NUBPL: variants seen among roughly 807,000 people sequenced by gnomAD.
The protein encoded by NUBPL is iron-sulfur cluster transfer protein NUBPL.
Under a neutral mutation model 45.7 loss-of-function variants are expected in NUBPL, and 31 were observed. That is an observed-to-expected ratio of 0.68 (90% CI 0.51 to 0.92). The LOEUF (loss-of-function observed/expected upper bound fraction) is 0.92, where lower values mean the gene tolerates loss of function less well. NUBPL is among the 40% of genes least tolerant of loss of function. The pLI, the probability that NUBPL is intolerant of heterozygous loss-of-function variation, is 0.00. For synonymous variants in NUBPL, 144 were observed against 140.9 expected (o/e 1.02, Z -0.15); for missense variants, 401 against 398.7 (o/e 1.01, Z -0.05).
At chr14:31,651,634 C>T (rs543034949) in intron 4 of NUBPL, among the ~76,000 whole-genome samples, 9 of 152,258 alleles carry the variant, frequency 5.9e-5, no homozygotes, top group Non-Finnish European at 8.8e-5. Flanking sequence ...CGTGGTGGCT[C>T]ACGCCTGTAA....
chr14:31,844,556 A>G (rs917318018), intron 8 of NUBPL: 12 of 152,316 alleles, frequency 7.9e-5, no homozygotes, highest in African/African-American at 2.9e-4. Context: ...ATGCTTTGCT[A>G]TAGATTTATG....
At chr14:31,757,538 G>A (rs980867070) in intron 6 of NUBPL, among the ~76,000 whole-genome samples, 3 of 151,940 alleles carry the variant, frequency 2.0e-5, no homozygotes, top group African/African-American at 4.8e-5. Flanking sequence ...CTGTGGGATC[G>A]GTCTCTTTTC....
At chr14:31,806,780 C>T (rs1243803785) in intron 7 of NUBPL, among the ~76,000 whole-genome samples, 11 of 150,722 alleles carry the variant, frequency 7.3e-5, no homozygotes, top group Non-Finnish European at 1.3e-4. Flanking sequence ...CATCCCCCCA[C>T]ACCACGACAG....
intron 4 of NUBPL, among the ~76,000 whole-genome samples, chr14:31,623,018 G>A (rs2035107728): frequency 6.6e-6 from 1 of 152,256 alleles, no homozygotes; most frequent in South Asian, 2.1e-4. Flanking sequence ...AGCCACAGGG[G>A]CTGTACTCTG....
intron 6 of NUBPL, among the ~76,000 whole-genome samples, chr14:31,712,393 G>C (rs924646176): frequency 5.3e-5 from 8 of 152,226 alleles, no homozygotes; most frequent in Non-Finnish European, 1.0e-4. Context: ...TTCGTCCCCT[G>C]ATCAAGCCCA....
At chr14:31,601,213 C>T (rs2034423972) in intron 4 of NUBPL, among the ~76,000 whole-genome samples, 2 of 152,136 alleles carry the variant, frequency 1.3e-5, no homozygotes, top group Non-Finnish European at 2.9e-5. Flanking sequence ...GTTCTTTTGG[C>T]TCAGGATTGA....
intron 4 of NUBPL, among the ~76,000 whole-genome samples, chr14:31,632,321 A>C (rs1215380627): frequency 6.6e-6 from 1 of 152,152 alleles, no homozygotes; most frequent in East Asian, 1.9e-4. Flanking sequence ...AGGAACAATG[A>C]CACTTGGTGG....
intron 6 of NUBPL, among the ~76,000 whole-genome samples, chr14:31,681,761 A>G (rs1256679394): frequency 1.3e-5 from 2 of 152,074 alleles, no homozygotes; most frequent in Non-Finnish European, 2.9e-5. Flanking sequence ...AGTTAAAAGT[A>G]GTTTCTAATT....
chr14:31,584,877 A>T (rs2033955034), intron 3 of NUBPL, among the ~76,000 whole-genome samples: 1 of 152,176 alleles, frequency 6.6e-6, no homozygotes, highest in Non-Finnish European at 1.5e-5. Flanking sequence ...GGATTATCAC[A>T]AAGTGGAAAG....
chr14:31,854,181 C>T (rs2040582502), intron 10 of NUBPL, among the ~76,000 whole-genome samples: 1 of 152,160 alleles, frequency 6.6e-6, no homozygotes, highest in African/African-American at 2.4e-5. Flanking sequence ...GACCTTTGTG[C>T]ACTTTGGTTA....
At chr14:31,688,505 A>G (rs1488083368) in intron 6 of NUBPL, among the ~76,000 whole-genome samples, 4 of 150,900 alleles carry the variant, frequency 2.7e-5, no homozygotes, top group African/African-American at 2.5e-5. Flanking sequence ...CGAACCTAGA[A>G]GGCCGAGGAG....
intron 6 of NUBPL, among the ~76,000 whole-genome samples, chr14:31,740,081 A>T (rs1371736343): frequency 6.6e-6 from 1 of 152,224 alleles, no homozygotes; most frequent in Non-Finnish European, 1.5e-5. Context: ...GTTTCTTCCA[A>T]GTTTTGGCAG....
At chr14:31,785,376 A>G (rs1348792693) in intron 6 of NUBPL, among the ~76,000 whole-genome samples, 1 of 152,200 alleles carries the variant, frequency 6.6e-6, no homozygotes, top group African/African-American at 2.4e-5. Context: ...GGGTTAGTGA[A>G]TGAAGCTGAG....
chr14:31,789,746 T>C (rs1318519235), intron 7 of NUBPL, among the ~76,000 whole-genome samples: 1 of 152,128 alleles, frequency 6.6e-6, no homozygotes, highest in Non-Finnish European at 1.5e-5. Context: ...TTTGGAAATA[T>C]CAGTATAGCC....
Position 31,639,683 on chromosome 14 carries a change from G to T in NUBPL, c.383-33672G>T, listed in dbSNP as rs566425634. ...TTTTGTTTGTCTGTGCCCTACCCCA[G>T]AGATGGAGCCTACAGAGGCAGGCAG... On this transcript the variant is annotated intron_variant, in intron 4 of 10. Coordinates refer to ENST00000281081, the MANE Select transcript of NUBPL (RefSeq NM_025152.3). 2.6e-5 allele frequency among the ~76,000 whole-genome samples: 4 copies of T among 152,354 alleles called. No homozygotes were observed. In the East Asian group the frequency reaches 7.7e-4, roughly 29 times the overall value.
At chr14:31,564,968 T>A in intron 2 of NUBPL, 46 bp from the exon 3 acceptor site, 1 of 1,056,518 alleles carries the variant, frequency 9.5e-7, no homozygotes, top group East Asian at 2.4e-5. Flanking sequence ...TGAATTTTAA[T>A]AGAAGGAAAG....
chr14:31,839,790 T>G lies in NUBPL; in HGVS notation c.694-6681T>G, dbSNP rs140602751. ...TTTTTAAATGGGTGAAGGATCTGAG[T>G]AGACATTTCTCAAGAGAAGACATAC... On this transcript the variant is annotated intron_variant, in intron 8 of 10. Coordinates refer to ENST00000281081, the MANE Select transcript of NUBPL (RefSeq NM_025152.3). Among the ~76,000 whole-genome samples the G allele has an allele frequency of 1.7e-3, 265 of 151,972 alleles. 2 individuals are homozygous for G. In the South Asian group the frequency reaches 0.021, roughly 12 times the overall value.
intron 10 of NUBPL, among the ~76,000 whole-genome samples, chr14:31,856,493 T>TA (rs2139020702): frequency 6.6e-6 from 1 of 152,270 alleles, no homozygotes; most frequent in African/African-American, 2.4e-5. Context: ...CCGAAAGTCT[T>TA]AACTCATTTC....
intron 9 of NUBPL, among the ~76,000 whole-genome samples, chr14:31,849,339 C>T (rs1166151149): frequency 1.3e-5 from 2 of 152,110 alleles, no homozygotes; most frequent in African/African-American, 4.8e-5. Flanking sequence ...CCGCTTAAGA[C>T]TCCACTCACT....
Sources: gnomAD v4.1 joint callset for allele counts (sites outside exome capture counted in the v4.1 genomes callset) on GRCh38, gnomAD v4.1.1 for gene constraint, MANE v1.5 for transcripts, NCBI Gene and HGNC (gene_info 2026-07-23, HGNC 2026-07-21) for gene names.